YAP1: variants seen among roughly 807,000 people sequenced by gnomAD.
YAP1 encodes transcriptional coactivator YAP1.
In YAP1, 5 loss-of-function variants were observed where a neutral mutation model predicts 56.9. The ratio of observed to expected loss-of-function variants is 0.09; its 90% CI spans 0.05 to 0.18. The LOEUF (loss-of-function observed/expected upper bound fraction) is 0.18, where lower values mean the gene tolerates loss of function less well. YAP1 is among the 10% of genes least tolerant of loss of function. The pLI is 1.00. For missense variants in YAP1, 539 were observed against 651.8 expected, an observed-to-expected ratio of 0.83 and a Z score of 1.88; for synonymous variants, 265 against 248.1, an observed-to-expected ratio of 1.07 and a Z score of -0.64.
intron 2 of YAP1, among the ~76,000 whole-genome samples, chr11:102,141,407 G>C (rs1945015137): frequency 6.6e-6 from 1 of 152,198 alleles, no homozygotes; most frequent in African/African-American, 2.4e-5. Flanking sequence ...CAAGGATTGA[G>C]AGCAATGCAG....
At chr11:102,155,330 T>C (rs1424019464) in intron 2 of YAP1, among the ~76,000 whole-genome samples, 1 of 152,234 alleles carries the variant, frequency 6.6e-6, no homozygotes, top group Non-Finnish European at 1.5e-5. Context: ...TCTATTTGTA[T>C]GGAAACCATC....
intron 2 of YAP1, among the ~76,000 whole-genome samples, chr11:102,121,951 C>T (rs1292525992): frequency 6.6e-6 from 1 of 152,108 alleles, no homozygotes; most frequent in Non-Finnish European, 1.5e-5. Context: ...GCATCCACCA[C>T]CATGCCTGGC....
chr11:102,153,081 G>GT (rs544019243), intron 2 of YAP1, among the ~76,000 whole-genome samples: 50 of 152,294 alleles, frequency 3.3e-4, no homozygotes, highest in African/African-American at 1.1e-3. Flanking sequence ...GGTGTGAAGT[G>GT]TTTTTTATAT....
At chr11:102,218,498 C>T (rs1472416090) in intron 6 of YAP1, among the ~76,000 whole-genome samples, 3 of 152,282 alleles carry the variant, frequency 2.0e-5, no homozygotes, top group East Asian at 1.9e-4. Context: ...TCGAATATTT[C>T]GATCCATACT....
intron 2 of YAP1, among the ~76,000 whole-genome samples, chr11:102,135,169 T>A (rs912289218): frequency 1.8e-4 from 27 of 152,186 alleles, no homozygotes; most frequent in African/African-American, 6.3e-4. Context: ...TTTTAATTTT[T>A]AATTTTTTGT....
In YAP1 at chr11:102,123,539, A is replaced by G. The variant is rs144670528; in HGVS notation, c.572+9145A>G. 5.5e-3 allele frequency among the ~76,000 whole-genome samples: 834 copies of G among 151,770 alleles called. 6 individuals carry two copies. The highest frequency in any genetic ancestry group is 0.019 in the African/African-American group (790 of 41,354). The stretch of plus-strand genomic sequence containing the variant: ...GTTGAGATCTCTTGTCTCTAAAACT[A>G]TCTTTCTCTGTTAACATTTAGTGGG... On this transcript the variant is annotated intron_variant, in intron 2 of 8. Transcript: ENST00000282441.
chr11:102,180,292 T>A (rs951933567), intron 3 of YAP1, among the ~76,000 whole-genome samples: 5 of 152,080 alleles, frequency 3.3e-5, no homozygotes, highest in Admixed American at 3.3e-4. Flanking sequence ...TTCTAATTAG[T>A]AGATCCTATA....
chr11:102,219,750 TTTTG>T (rs1270881038), intron 6 of YAP1, among the ~76,000 whole-genome samples: 17 of 151,720 alleles, frequency 1.1e-4, no homozygotes, highest in African/African-American at 3.6e-4. Context: ...ACCTGGTTTT[TTTTG>T]TTTGTTTTGT....
intron 6 of YAP1, among the ~76,000 whole-genome samples, chr11:102,218,525 A>G (rs1015271940): frequency 6.6e-6 from 1 of 152,242 alleles, no homozygotes; most frequent in Non-Finnish European, 1.5e-5. Context: ...CCTTACGGAT[A>G]TGAAAGGCTA....
chr11:102,218,966 T>C (rs1949788554), intron 6 of YAP1, among the ~76,000 whole-genome samples: 1 of 152,200 alleles, frequency 6.6e-6, no homozygotes, highest in Admixed American at 6.5e-5. Context: ...TAATAAAAAG[T>C]AGGAATTTTA....
intron 3 of YAP1, among the ~76,000 whole-genome samples, chr11:102,174,207 C>T (rs903575679): frequency 6.6e-6 from 1 of 152,170 alleles, no homozygotes; most frequent in Non-Finnish European, 1.5e-5. Flanking sequence ...GAAACCTTTA[C>T]TGAGTACCTA....
intron 2 of YAP1, among the ~76,000 whole-genome samples, chr11:102,152,399 G>A (rs1945706528): frequency 6.6e-6 from 1 of 152,214 alleles, no homozygotes; most frequent in South Asian, 2.1e-4. Flanking sequence ...TAAGGCAGTG[G>A]CCATGCGACT....
At chr11:102,203,790 A>T (rs372871339) in intron 4 of YAP1, among the ~76,000 whole-genome samples, 18 of 152,356 alleles carry the variant, frequency 1.2e-4, no homozygotes, top group East Asian at 9.6e-4. Context: ...ACAGTCATGA[A>T]TTATACTATT....
At chr11:102,161,095 C>G (rs1946251734) in intron 2 of YAP1, among the ~76,000 whole-genome samples, 1 of 112,064 alleles carries the variant, frequency 8.9e-6, no homozygotes, top group African/African-American at 3.5e-5. Flanking sequence ...GAATCTGGCT[C>G]TGTTGCCCAG....
intron 3 of YAP1, among the ~76,000 whole-genome samples, chr11:102,173,991 C>T (rs955801385): frequency 3.3e-5 from 5 of 152,102 alleles, no homozygotes; most frequent in African/African-American, 9.7e-5. Context: ...GGAATTACCT[C>T]GGGATTTGTT....
chr11:102,205,926 T>A lies in YAP1; in HGVS notation c.836T>A (p.Val279Glu). Residue 279 changes from valine (V) to glutamate (E), a missense_variant, in exon 5 of 9, where the codon GTG becomes GAG. By Grantham distance (121) the Val-to-Glu change is moderately radical (BLOSUM62 -2). Transcript: ENST00000282441. ...MNQRISQSAP[V>E]KQPPPLAPQS... is the part of the protein sequence containing the mutation. ...CAGAGAATCAGTCAGAGTGCTCCAG[T>A]GAAACAGCCACCACCCCTGGCTCCC... is the stretch of plus-strand genomic sequence containing the variant. 6.2e-7 allele frequency: 1 copy of A among 1,603,762 alleles called. No homozygotes were observed. The highest frequency in any genetic ancestry group is 8.5e-7 in the Non-Finnish European group (1 of 1,174,592).
At chr11:102,213,381 G>A (rs566122582) in intron 6 of YAP1, among the ~76,000 whole-genome samples, 4 of 152,294 alleles carry the variant, frequency 2.6e-5, no homozygotes, top group Admixed American at 1.3e-4. Flanking sequence ...AGCTGCTCAG[G>A]AGGCTGAGGA....
chr11:102,179,440 C>T (rs1369479386), intron 3 of YAP1, among the ~76,000 whole-genome samples: 6 of 152,124 alleles, frequency 3.9e-5, no homozygotes, highest in African/African-American at 1.2e-4. Context: ...TAAGTATTTA[C>T]TGGTTGAAAT....
chr11:102,117,038 C>T (rs961801013), intron 2 of YAP1, among the ~76,000 whole-genome samples: 1 of 152,114 alleles, frequency 6.6e-6, no homozygotes, highest in African/African-American at 2.4e-5. Flanking sequence ...TCACCTTCTC[C>T]AGTTAGCTAC....
Sources: allele counts gnomAD v4.1 joint callset (sites outside exome capture counted in the v4.1 genomes callset), GRCh38; gene constraint gnomAD v4.1.1; transcripts MANE v1.5; gene names NCBI Gene and HGNC (gene_info 2026-07-23, HGNC 2026-07-21).